The following ZFR variants were observed in gnomAD, a reference collection of about 807,000 sequenced individuals.
The protein encoded by ZFR is zinc finger RNA-binding protein.
In ZFR, 19 loss-of-function variants were observed where a neutral mutation model predicts 130.7. The observed-to-expected ratio is 0.15, with a 90% CI of 0.10 to 0.21. The LOEUF is 0.21. Ranked by LOEUF, ZFR falls within the 10% of genes least tolerant of loss-of-function variation. The pLI is 1.00. For missense variants in ZFR, 872 were observed against 1,321.5 expected (o/e 0.66, Z 5.27); for synonymous variants, 466 against 456.9 (o/e 1.02, Z -0.25).
chr5:32,402,147 C>A lies in ZFR; in HGVS notation c.1516+959G>T, dbSNP rs539346144. Among the ~76,000 whole-genome samples the A allele has an allele frequency of 4.2e-4, 61 of 144,780 alleles. No individual in the cohort carries two copies. The South Asian group carries it at 4.5e-3, about 11-fold the overall frequency. 95.0% of individuals were successfully genotyped at this position (144,780 alleles called of 152,430 possible). On this transcript the variant is annotated intron_variant, in intron 8 of 19. Transcript: ENST00000265069. ...CCCACATGGGAATGAATGAGACCAC[C>A]CATTAATAGAGGCGGACAGTGAGAC...
intron 3 of ZFR, among the ~76,000 whole-genome samples, chr5:32,418,259 CAA>C (rs58214285): frequency 0.93 from 122,330 of 131,966 alleles, 56,518 homozygotes; most frequent in African/African-American, 0.95. Context: ...GATTCTGCCT[CAA>C]AAAAAAAAAA....
chr5:32,372,803 C>A (rs9292460), intron 17 of ZFR, among the ~76,000 whole-genome samples: 13 of 151,844 alleles, frequency 8.6e-5, no homozygotes, highest in Non-Finnish European at 1.6e-4. Context: ...CCACTGCACT[C>A]TAGTCTGGGC....
intron 6 of ZFR, among the ~76,000 whole-genome samples, chr5:32,405,040 ACT>A (rs1753547870): frequency 6.6e-6 from 1 of 151,984 alleles, no homozygotes; most frequent in Non-Finnish European, 1.5e-5. Context: ...CTGGTCTCAA[ACT>A]CTCTTTTTAA....
intron 7 of ZFR, 100 bp downstream of exon 7, chr5:32,403,806 A>G (rs1753521954): frequency 4.3e-6 from 5 of 1,162,364 alleles, no homozygotes; most frequent in South Asian, 2.1e-5. Context: ...AATGCACTTA[A>G]AAGTTTTCGA....
chr5:32,370,739 G>C (rs1478343502), intron 17 of ZFR, among the ~76,000 whole-genome samples: 1 of 152,102 alleles, frequency 6.6e-6, no homozygotes, highest in East Asian at 1.9e-4. Flanking sequence ...CTATTCTAAA[G>C]GTTTAGATAG....
intron 17 of ZFR, among the ~76,000 whole-genome samples, chr5:32,375,922 C>T (rs970227548): frequency 4.0e-5 from 6 of 151,870 alleles, no homozygotes; most frequent in Admixed American, 3.3e-4. Context: ...CGGCTCACTG[C>T]AACCTCCGCC....
chr5:32,397,177 G>GT (rs1036065678), intron 10 of ZFR, 42 bp downstream of exon 10: 5 of 1,556,616 alleles, frequency 3.2e-6, no homozygotes, highest in South Asian at 1.2e-5. Context: ...TTTTGTTTTT[G>GT]TTTTTTGTTT....
In ZFR at chr5:32,375,430, A is replaced by G. The variant is rs193086734; in HGVS notation, c.2835+3685T>C. On this transcript the variant is annotated intron_variant, in intron 17 of 19. Transcript: ENST00000265069. ...TCAAGCAGTATTTCTTTTATTCCGT[A>G]TTTGTTACTCTAGAATTATCTTTTA... Among the ~76,000 whole-genome samples the G allele has an allele frequency of 2.0e-5, 3 of 152,318 alleles. No homozygotes were observed. The East Asian group carries it at 5.8e-4, about 29-fold the overall frequency.
chr5:32,389,762 G>C (rs1045996872), intron 12 of ZFR, among the ~76,000 whole-genome samples: 2 of 152,220 alleles, frequency 1.3e-5, no homozygotes, highest in Non-Finnish European at 2.9e-5. Context: ...AAATAAGAAA[G>C]ATTCCCAGAA....
intron 2 of ZFR, among the ~76,000 whole-genome samples, chr5:32,426,277 G>A (rs957523302): frequency 4.0e-5 from 6 of 151,604 alleles, no homozygotes; most frequent in African/African-American, 9.7e-5. Context: ...TTTAAAATAC[G>A]GTGACAAGTT....
At chr5:32,432,232 C>G (rs2111855843) in intron 2 of ZFR, among the ~76,000 whole-genome samples, 1 of 152,232 alleles carries the variant, frequency 6.6e-6, no homozygotes, top group South Asian at 2.1e-4. Flanking sequence ...GATTGCGCCA[C>G]TGCAAGTTTG....
In ZFR at chr5:32,415,515, T is replaced by TGTGTGTGTGTGCGCGC. The variant is rs1326041688; in HGVS notation, c.566-329_566-328insGCGCGCACACACACAC. ...GTGTGTGTGTGTGTGTGTGTGTGTG[T>TGTGTGTGTGTGCGCGC]GCGCGCGCGCGCGCGCGCACTAGTC... On this transcript the variant is annotated intron_variant, in intron 4 of 19. Transcript: ENST00000265069. Among the ~76,000 whole-genome samples the TGTGTGTGTGTGCGCGC allele has an allele frequency of 7.1e-5, 7 of 97,988 alleles. No homozygotes were observed. The East Asian group carries it at 1.7e-3, about 23-fold the overall frequency. 64.3% of individuals were successfully genotyped at this position (97,988 alleles called of 152,430 possible).
At chr5:32,414,067 G>A (rs1753770087) in intron 5 of ZFR, among the ~76,000 whole-genome samples, 2 of 151,958 alleles carry the variant, frequency 1.3e-5, no homozygotes, top group Admixed American at 6.6e-5. Flanking sequence ...CTCCCTTTCT[G>A]CCCACAAGAT....
rs149499716 is a variant in ZFR, at chr5:32,389,661, T to C, written c.2142+614A>G. On this transcript the variant is annotated intron_variant, in intron 12 of 19. Transcript: ENST00000265069. The stretch of plus-strand genomic sequence containing the variant: ...AAGAAACAAGAAAAAAAATTAGTTG[T>C]TCCTGCTCATGTAAGGAAAACCAAA... Among the ~76,000 whole-genome samples the C allele has an allele frequency of 2.5e-4, 38 of 152,208 alleles. No homozygotes were observed. The East Asian group carries it at 3.1e-3, about 12-fold the overall frequency.
At chr5:32,415,328 G>A in intron 4 of ZFR, 141 bp from the exon 5 acceptor site, 1 of 650,020 alleles carries the variant, frequency 1.5e-6, no homozygotes, top group Non-Finnish European at 2.6e-6. Flanking sequence ...CTTAGCAAAA[G>A]GCATAAAACT....
At chr5:32,377,206 A>G (rs1269704546) in intron 17 of ZFR, among the ~76,000 whole-genome samples, 1 of 136,576 alleles carries the variant, frequency 7.3e-6, no homozygotes, top group Non-Finnish European at 1.6e-5. Flanking sequence ...CTCTTTCTTT[A>G]TTTCTCTTTC....
intron 17 of ZFR, among the ~76,000 whole-genome samples, chr5:32,371,218 A>G (rs574282523): frequency 2.6e-5 from 4 of 152,064 alleles, no homozygotes; most frequent in Non-Finnish European, 2.9e-5. Flanking sequence ...AAAAATAAAG[A>G]CATTAGTCAG....
intron 19 of ZFR, among the ~76,000 whole-genome samples, chr5:32,356,903 T>A (rs1453543426): frequency 6.6e-6 from 1 of 152,190 alleles, no homozygotes; most frequent in African/African-American, 2.4e-5. Flanking sequence ...CCACTAGTAA[T>A]ATGTATGCAA....
intron 2 of ZFR, among the ~76,000 whole-genome samples, chr5:32,437,287 T>C (rs889010623): frequency 2.0e-5 from 3 of 152,150 alleles, no homozygotes; most frequent in Non-Finnish European, 1.5e-5. Flanking sequence ...GCCCCAGAAG[T>C]GTAAACTCCC....
Sources: allele counts gnomAD v4.1 joint callset (sites outside exome capture counted in the v4.1 genomes callset), GRCh38; gene constraint gnomAD v4.1.1; transcripts MANE v1.5; gene names NCBI Gene and HGNC (gene_info 2026-07-23, HGNC 2026-07-21).